Variants in FSTL4 observed in about 807,000 individuals in gnomAD.
FSTL4 encodes the protein follistatin like 4.
Under a neutral mutation model 78.2 loss-of-function variants are expected in FSTL4, and 28 were observed. That is an observed-to-expected ratio of 0.36 (90% CI 0.27 to 0.49). The LOEUF is 0.49. FSTL4 is among the 20% of genes least tolerant of loss of function. FSTL4 has a pLI of 0.98. For missense variants in FSTL4, 922 were observed against 1,084.9 expected, an observed-to-expected ratio of 0.85 and a Z score of 2.11; for synonymous variants, 422 against 440.5, an observed-to-expected ratio of 0.96 and a Z score of 0.53.
At chr5:133,221,907 T>TTTTTTG (rs1751133092) in intron 11 of FSTL4, among the ~76,000 whole-genome samples, 9 of 114,118 alleles carry the variant, frequency 7.9e-5, no homozygotes, top group African/African-American at 3.9e-4. Flanking sequence ...TTTTTTTTTT[T>TTTTTTG]TTTTTTTTTT....
At chr5:133,542,543 T>C in intron 3 of FSTL4, among the ~76,000 whole-genome samples, 1 of 152,272 alleles carries the variant, frequency 6.6e-6, no homozygotes, top group African/African-American at 2.4e-5. Context: ...TGTTGGAAAA[T>C]TTGTTAGTAC....
At chr5:133,744,791 A>G in the FSTL4 span, among the ~76,000 whole-genome samples, 2 of 152,168 alleles carry the variant, frequency 1.3e-5, no homozygotes, top group African/African-American at 4.8e-5. Context: ...AACTCGGAAC[A>G]ATTTCCTTAG....
chr5:133,372,887 A>G (rs1299075225), intron 4 of FSTL4, among the ~76,000 whole-genome samples: 4 of 152,168 alleles, frequency 2.6e-5, no homozygotes, highest in Non-Finnish European at 5.9e-5. Flanking sequence ...AGGCTTCTTC[A>G]TGTTCTTTGT....
At chr5:133,468,783 A>G (rs12522557) in intron 3 of FSTL4, among the ~76,000 whole-genome samples, 15,973 of 152,132 alleles carry the variant, frequency 0.1, 1,399 homozygotes, top group African/African-American at 0.24. Flanking sequence ...AGCTATGACC[A>G]AGCTCACCTC....
the FSTL4 span, among the ~76,000 whole-genome samples, chr5:133,695,915 T>C: frequency 3.3e-5 from 5 of 152,228 alleles, no homozygotes; most frequent in African/African-American, 4.8e-5. Flanking sequence ...TTCCAATGTC[T>C]GCTTCTGCTG....
At chr5:133,300,169 G>A (rs1047041283) in intron 6 of FSTL4, among the ~76,000 whole-genome samples, 11 of 152,156 alleles carry the variant, frequency 7.2e-5, no homozygotes, top group African/African-American at 1.7e-4. Flanking sequence ...CAGGATGGCC[G>A]GATCCAGCTG....
In FSTL4 at chr5:133,487,339, T is replaced by G. The variant is rs568168874; in HGVS notation, c.160+79847A>C. 2.6e-5 allele frequency among the ~76,000 whole-genome samples: 4 copies of G among 152,316 alleles called. No homozygotes were observed. In the East Asian group the frequency reaches 5.8e-4, roughly 22 times the overall value. On this transcript the variant is annotated intron_variant, in intron 3 of 15. Coordinates refer to ENST00000265342, the MANE Select transcript of FSTL4 (RefSeq NM_015082.2). Reference sequence around the variant, plus strand: ...AGGTGCCTGTGACGTATGTTGCTGCTTGATATTCACTTCCTTCTGCAATCT... The same window carrying G: ...AGGTGCCTGTGACGTATGTTGCTGCGTGATATTCACTTCCTTCTGCAATCT...
At chr5:133,288,189 C>A (rs556150715) in intron 6 of FSTL4, among the ~76,000 whole-genome samples, 5 of 152,374 alleles carry the variant, frequency 3.3e-5, no homozygotes, top group South Asian at 2.1e-4. Flanking sequence ...TCCAGCCCCA[C>A]CTCTTACTAA....
At chr5:133,461,734 C>A (rs1410742288) in intron 3 of FSTL4, among the ~76,000 whole-genome samples, 1 of 152,182 alleles carries the variant, frequency 6.6e-6, no homozygotes, top group Non-Finnish European at 1.5e-5. Flanking sequence ...CATATCAAAG[C>A]ATTTTATACC....
chr5:133,332,298 A>G (rs533576412), intron 4 of FSTL4, among the ~76,000 whole-genome samples: 3 of 152,322 alleles, frequency 2.0e-5, no homozygotes, highest in African/African-American at 7.2e-5. Context: ...ACACTGCGCA[A>G]TGACTCCAGC....
intron 3 of FSTL4, among the ~76,000 whole-genome samples, chr5:133,540,702 C>T (rs442255): frequency 0.41 from 54,699 of 133,258 alleles, 11,760 homozygotes; most frequent in African/African-American, 0.52. Flanking sequence ...ACCTCTCCCT[C>T]TCATGTTTTA....
At chr5:133,477,086 G>T (rs1365714640) in intron 3 of FSTL4, among the ~76,000 whole-genome samples, 1 of 152,138 alleles carries the variant, frequency 6.6e-6, no homozygotes, top group Non-Finnish European at 1.5e-5. Context: ...TAAGAAGCAA[G>T]CAAACTAATA....
At chr5:133,702,199 A>G in the FSTL4 span, among the ~76,000 whole-genome samples, 2 of 152,238 alleles carry the variant, frequency 1.3e-5, no homozygotes, top group African/African-American at 4.8e-5. Context: ...CAATTATGCA[A>G]ATGTCATCAC....
At chr5:133,239,695 G>A (rs890430371) in intron 7 of FSTL4, among the ~76,000 whole-genome samples, 8 of 152,308 alleles carry the variant, frequency 5.3e-5, no homozygotes, top group African/African-American at 1.9e-4. Flanking sequence ...TCAGCACCCT[G>A]TGTCTAGCTC....
chr5:133,353,240 G>A (rs760801878), intron 4 of FSTL4, among the ~76,000 whole-genome samples: 10 of 152,296 alleles, frequency 6.6e-5, no homozygotes, highest in East Asian at 3.9e-4. Flanking sequence ...GGTTAGCTCC[G>A]TGTTTATGTA....
intron 3 of FSTL4, among the ~76,000 whole-genome samples, chr5:133,465,276 G>A (rs574069766): frequency 1.3e-5 from 2 of 152,268 alleles, no homozygotes; most frequent in South Asian, 4.1e-4. Context: ...ACCCTTCAAA[G>A]TCAGGCTCAA....
At chr5:133,360,141 C>T (rs1307485316) in intron 4 of FSTL4, among the ~76,000 whole-genome samples, 3 of 152,268 alleles carry the variant, frequency 2.0e-5, no homozygotes, top group African/African-American at 7.2e-5. Context: ...TGTCCCTCTC[C>T]TCTTCGTCCC....
At chr5:133,521,809 C>T (rs1758987342) in intron 3 of FSTL4, among the ~76,000 whole-genome samples, 2 of 151,948 alleles carry the variant, frequency 1.3e-5, no homozygotes, top group Admixed American at 1.3e-4. Context: ...GACACTGCAC[C>T]CATCTTTAAT....
intron 3 of FSTL4, among the ~76,000 whole-genome samples, chr5:133,517,447 A>AATATATATAT (rs1554068021): frequency 1.8e-4 from 3 of 16,396 alleles, no homozygotes; most frequent in African/African-American, 5.6e-4. Context: ...AAAAAAAAAA[A>AATATATATAT]ATATATATAT....
Sources: gnomAD v4.1 joint callset for allele counts (sites outside exome capture counted in the v4.1 genomes callset) on GRCh38, gnomAD v4.1.1 for gene constraint, MANE v1.5 for transcripts, NCBI Gene and HGNC (gene_info 2026-07-23, HGNC 2026-07-21) for gene names.